CREB5: variants seen among roughly 807,000 people sequenced by gnomAD.
The protein encoded by CREB5 is cAMP responsive element binding protein 5, also known as cyclic AMP-responsive element-binding protein 5.
CREB5 carries 19 observed loss-of-function variants against 57.1 expected under a neutral mutation model. The observed-to-expected ratio is 0.33, with a 90% CI of 0.23 to 0.49. The LOEUF (loss-of-function observed/expected upper bound fraction) is 0.49. Among genes scored for constraint, CREB5 ranks in the 20% least tolerant of loss-of-function variants. The probability of loss-of-function intolerance (pLI) is 0.99; values close to 1 mark genes in which losing one functional copy is unlikely to be tolerated. For synonymous variants in CREB5, 238 were observed against 238.3 expected (o/e 1.00, Z 0.01); for missense variants, 579 against 671.6 (o/e 0.86, Z 1.52).
chr7:28,418,768 C>T (rs1024190952), intron 1 of CREB5, among the ~76,000 whole-genome samples: 9 of 152,174 alleles, frequency 5.9e-5, no homozygotes, highest in Non-Finnish European at 8.8e-5. Context: ...GGCTAGGCAT[C>T]CTGCTCATTG....
At chr7:28,607,505 C>T (rs564549005) in intron 5 of CREB5, among the ~76,000 whole-genome samples, 1 of 152,216 alleles carries the variant, frequency 6.6e-6, no homozygotes, top group East Asian at 1.9e-4. Flanking sequence ...CACTTTGCTG[C>T]CATAGGAGAA....
At chr7:28,521,871 G>A (rs1287219870) in intron 4 of CREB5, among the ~76,000 whole-genome samples, 1 of 152,164 alleles carries the variant, frequency 6.6e-6, no homozygotes, top group East Asian at 1.9e-4. Flanking sequence ...ATGACTTCTA[G>A]TCTTTCCAAC....
chr7:28,608,368 A>G (rs1217224457), intron 5 of CREB5, among the ~76,000 whole-genome samples: 2 of 152,148 alleles, frequency 1.3e-5, no homozygotes, highest in East Asian at 3.9e-4. Context: ...AAAATACCAG[A>G]AAGATCCTTT....
chr7:28,477,228 G>C (rs958568718), intron 1 of CREB5, among the ~76,000 whole-genome samples: 1 of 152,226 alleles, frequency 6.6e-6, no homozygotes, highest in Non-Finnish European at 1.5e-5. Context: ...ACCCCATCAA[G>C]GGCAGCCACA....
intron 1 of CREB5, among the ~76,000 whole-genome samples, chr7:28,308,864 C>T (rs1009567965): frequency 1.3e-5 from 2 of 152,156 alleles, no homozygotes; most frequent in Non-Finnish European, 2.9e-5. Flanking sequence ...CATGGGATGC[C>T]CAAATATTTG....
At chr7:28,395,800 T>C (rs1787323449) in intron 1 of CREB5, among the ~76,000 whole-genome samples, 1 of 151,984 alleles carries the variant, frequency 6.6e-6, no homozygotes, top group African/African-American at 2.4e-5. Flanking sequence ...TTTCTTTCTT[T>C]CTTTTTTTTT....
intron 7 of CREB5, among the ~76,000 whole-genome samples, chr7:28,797,250 T>C (rs542687585): frequency 1.3e-5 from 2 of 152,204 alleles, no homozygotes; most frequent in Non-Finnish European, 2.9e-5. Context: ...CCGCTGAAGG[T>C]CTACTTTTCT....
chr7:28,714,521 A>G (rs528884248), intron 5 of CREB5, among the ~76,000 whole-genome samples: 5 of 152,202 alleles, frequency 3.3e-5, no homozygotes, highest in Non-Finnish European at 7.4e-5. Flanking sequence ...AGGCTTGCCC[A>G]AGGGCAAAGA....
At chr7:28,426,569 A>G (rs1388531068) in intron 1 of CREB5, among the ~76,000 whole-genome samples, 1 of 152,184 alleles carries the variant, frequency 6.6e-6, no homozygotes, top group African/African-American at 2.4e-5. Flanking sequence ...GGTTCCAGAC[A>G]CACACGTGCA....
chr7:28,520,443 C>T (rs1793157394), intron 4 of CREB5, among the ~76,000 whole-genome samples: 1 of 152,144 alleles, frequency 6.6e-6, no homozygotes, highest in Admixed American at 6.5e-5. Context: ...AAGAAGAGAC[C>T]AAGTCTGATT....
intron 7 of CREB5, among the ~76,000 whole-genome samples, chr7:28,760,859 A>G (rs555148365): frequency 6.6e-6 from 1 of 152,342 alleles, no homozygotes; most frequent in African/African-American, 2.4e-5. Context: ...AATCTAAGAG[A>G]GAAATTTCAT....
chr7:28,568,239 T>C (rs1357603517), intron 4 of CREB5, among the ~76,000 whole-genome samples: 1 of 152,190 alleles, frequency 6.6e-6, no homozygotes, highest in South Asian at 2.1e-4. Flanking sequence ...TATTTTTCTT[T>C]GCGAATTTAA....
chr7:28,302,435 A>G (rs1221465507), intron 1 of CREB5, among the ~76,000 whole-genome samples: 12 of 152,242 alleles, frequency 7.9e-5, no homozygotes, highest in Admixed American at 7.8e-4. Flanking sequence ...TGTCATGTTT[A>G]CTGTTTGGAA....
chr7:28,694,582 G>A (rs1219530536), intron 5 of CREB5, among the ~76,000 whole-genome samples: 1 of 152,118 alleles, frequency 6.6e-6, no homozygotes, highest in Non-Finnish European at 1.5e-5. Flanking sequence ...TAGCGACAGG[G>A]TCTCGCTTTG....
intron 4 of CREB5, among the ~76,000 whole-genome samples, chr7:28,519,425 G>C (rs542963090): frequency 6.6e-6 from 1 of 152,194 alleles, no homozygotes; most frequent in Admixed American, 6.5e-5. Context: ...AGCTTTAACA[G>C]ATAATTGCTA....
chr7:28,649,717 C>G (rs1799050440), intron 5 of CREB5, among the ~76,000 whole-genome samples: 1 of 152,082 alleles, frequency 6.6e-6, no homozygotes, highest in African/African-American at 2.4e-5. Context: ...CTTATTATCT[C>G]TTATATTCTG....
In CREB5 at chr7:28,488,316, G is replaced by A. The variant is rs749405392; in HGVS notation, c.75+70G>A. 18 of 1,413,156 alleles carry A rather than the reference G, an allele frequency of 1.3e-5. No individual in the cohort carries two copies. The Admixed American group carries it at 1.7e-4, about 13-fold the overall frequency. 87.5% of individuals were successfully genotyped at this position (1,413,156 alleles called of 1,614,324 possible). On this transcript the variant is annotated intron_variant, in intron 2 of 10. Coordinates refer to ENST00000357727, the MANE Select transcript of CREB5 (RefSeq NM_182898.4). Reference sequence around the variant, plus strand: ...TCCGAAAGGGAAGCAACTCTCACCCGGCAATCATGCCTGCCCTGGGCTTTC... The same window carrying A: ...TCCGAAAGGGAAGCAACTCTCACCCAGCAATCATGCCTGCCCTGGGCTTTC...
intron 3 of CREB5, among the ~76,000 whole-genome samples, chr7:28,497,434 A>AAAAG (rs1325737714): frequency 3.3e-4 from 51 of 152,322 alleles, no homozygotes; most frequent in Non-Finnish European, 5.4e-4. Context: ...TCTAATTTTT[A>AAAAG]TTATGTCAAA....
At chr7:28,602,548 G>T (rs966004882) in intron 5 of CREB5, among the ~76,000 whole-genome samples, 1 of 152,130 alleles carries the variant, frequency 6.6e-6, no homozygotes, top group Non-Finnish European at 1.5e-5. Flanking sequence ...ACAAACAATT[G>T]ATATATATGA....
Sources: allele counts gnomAD v4.1 joint callset (sites outside exome capture counted in the v4.1 genomes callset), GRCh38; gene constraint gnomAD v4.1.1; transcripts MANE v1.5; gene names NCBI Gene and HGNC (gene_info 2026-07-23, HGNC 2026-07-21).